Variants in PPFIA2 observed in about 807,000 individuals in gnomAD.
PPFIA2 encodes the protein PPFI scaffold protein A2.
Under a neutral mutation model 175.5 loss-of-function variants are expected in PPFIA2, and 46 were observed. The ratio of observed to expected loss-of-function variants is 0.26; its 90% CI spans 0.21 to 0.34. The LOEUF (loss-of-function observed/expected upper bound fraction) is 0.34. Among genes scored for constraint, PPFIA2 ranks in the 10% least tolerant of loss-of-function variants. The pLI is 1.00. For synonymous variants in PPFIA2, 568 were observed against 511.4 expected (o/e 1.11, Z -1.49); for missense variants, 1,179 against 1,506.1 (o/e 0.78, Z 3.60).
At chr12:81,605,027 T>C (rs143643977) in intron 4 of PPFIA2, among the ~76,000 whole-genome samples, 46 of 151,892 alleles carry the variant, frequency 3.0e-4, no homozygotes, top group African/African-American at 8.7e-4. Context: ...ATGCATGTTA[T>C]CAGCTTGGTG....
chr12:81,328,226 A>T (rs2055251777), intron 21 of PPFIA2, among the ~76,000 whole-genome samples: 1 of 152,194 alleles, frequency 6.6e-6, no homozygotes, highest in Non-Finnish European at 1.5e-5. Context: ...ATGATTATCT[A>T]AATCCAGTGA....
intron 27 of PPFIA2, among the ~76,000 whole-genome samples, chr12:81,280,166 AAC>A (rs1349453556): frequency 1.3e-5 from 2 of 152,114 alleles, no homozygotes; most frequent in Admixed American, 1.3e-4. Context: ...TCAGCCAATA[AAC>A]ACAGTCTAAA....
chr12:81,676,233 T>C (rs994042628), intron 4 of PPFIA2, among the ~76,000 whole-genome samples: 1 of 152,076 alleles, frequency 6.6e-6, no homozygotes, highest in Non-Finnish European at 1.5e-5. Flanking sequence ...AGGGATGTCA[T>C]CTCTATCAGT....
chr12:81,750,828 C>T (rs1259825781), intron 3 of PPFIA2, among the ~76,000 whole-genome samples: 2 of 152,120 alleles, frequency 1.3e-5, no homozygotes, highest in Non-Finnish European at 2.9e-5. Flanking sequence ...CAATTTAAGA[C>T]ATCTATGTCA....
At chr12:81,632,796 T>C (rs2063542380) in intron 4 of PPFIA2, among the ~76,000 whole-genome samples, 2 of 152,054 alleles carry the variant, frequency 1.3e-5, no homozygotes. Flanking sequence ...CCGTTTTAAC[T>C]GGCAAAAGCA....
chr12:81,574,923 T>C (rs1452376620), intron 4 of PPFIA2, among the ~76,000 whole-genome samples: 1 of 151,786 alleles, frequency 6.6e-6, no homozygotes, highest in Non-Finnish European at 1.5e-5. Context: ...TTTCATGGAA[T>C]TGTATTAAAA....
At chr12:81,309,404 C>T (rs1471435240) in intron 22 of PPFIA2, among the ~76,000 whole-genome samples, 3 of 151,946 alleles carry the variant, frequency 2.0e-5, no homozygotes, top group Non-Finnish European at 4.4e-5. Context: ...TTACAAATTC[C>T]AATCAGTTGC....
At chr12:81,720,082 C>T (rs2079126292) in intron 3 of PPFIA2, among the ~76,000 whole-genome samples, 1 of 151,364 alleles carries the variant, frequency 6.6e-6, no homozygotes, top group African/African-American at 2.4e-5. Flanking sequence ...CTGGCATTCC[C>T]TACCTTAAGA....
chr12:81,390,421 C>G lies in PPFIA2; in HGVS notation c.763-6177G>C, dbSNP rs76743667. On this transcript the variant is annotated intron_variant, in intron 8 of 32. Transcript: ENST00000549396. ...AATGTATGAGAGTTCTAATTTTCCA[C>G]ATCTTCACCAAAACTTATTATTGTC... 1.4e-3 allele frequency among the ~76,000 whole-genome samples: 206 copies of G among 152,142 alleles called. 1 individual carries two copies. The highest frequency in any genetic ancestry group is 4.8e-3 in the African/African-American group (198 of 41,566).
chr12:81,276,077 C>T (rs1309920334), intron 28 of PPFIA2, among the ~76,000 whole-genome samples: 3 of 152,164 alleles, frequency 2.0e-5, no homozygotes, highest in Non-Finnish European at 4.4e-5. Flanking sequence ...AGCCACAGCA[C>T]CTGGCCTTTT....
At chr12:81,527,906 A>T (rs1055274159) in intron 4 of PPFIA2, among the ~76,000 whole-genome samples, 6 of 152,194 alleles carry the variant, frequency 3.9e-5, no homozygotes, top group Admixed American at 3.9e-4. Context: ...AAATCTGCTG[A>T]CACTTTGATC....
intron 22 of PPFIA2, chr12:81,312,054 G>T: frequency 9.9e-7 from 1 of 1,013,878 alleles, no homozygotes; most frequent in Non-Finnish European, 1.5e-6. Flanking sequence ...CAGGTCAGAG[G>T]CAGTGCAGCT....
At chr12:81,339,715 T>C (rs1479351204) in intron 20 of PPFIA2, among the ~76,000 whole-genome samples, 1 of 152,102 alleles carries the variant, frequency 6.6e-6, no homozygotes, top group Non-Finnish European at 1.5e-5. Context: ...CATAATGACC[T>C]ACAGCAAGGA....
intron 7 of PPFIA2, among the ~76,000 whole-genome samples, chr12:81,417,524 A>G (rs1012708644): frequency 2.0e-5 from 3 of 151,752 alleles, no homozygotes; most frequent in Admixed American, 1.3e-4. Flanking sequence ...ATATTCATTA[A>G]TCAATCTTGC....
At chr12:81,603,825 TAAAAAAA>T (rs60363527) in intron 4 of PPFIA2, among the ~76,000 whole-genome samples, 1 of 103,336 alleles carries the variant, frequency 9.7e-6, no homozygotes, top group African/African-American at 3.6e-5. Flanking sequence ...CTATTCTGAC[TAAAAAAA>T]AAAAAAAAAA....
chr12:81,590,656 G>T (rs1264558736), intron 4 of PPFIA2, among the ~76,000 whole-genome samples: 1 of 152,024 alleles, frequency 6.6e-6, no homozygotes, highest in Non-Finnish European at 1.5e-5. Flanking sequence ...CTGTTCTCAT[G>T]ATAGTGAATG....
intron 4 of PPFIA2, among the ~76,000 whole-genome samples, chr12:81,570,841 C>T (rs2072404237): frequency 6.6e-6 from 1 of 151,556 alleles, no homozygotes. Flanking sequence ...AGATATCATC[C>T]CATCATAGAA....
At chr12:81,740,529 T>C (rs545863419) in intron 3 of PPFIA2, among the ~76,000 whole-genome samples, 2 of 152,304 alleles carry the variant, frequency 1.3e-5, no homozygotes, top group Admixed American at 1.3e-4. Context: ...ACTCTCCTTT[T>C]CACAAACTGA....
chr12:81,543,544 G>T (rs890652331), intron 4 of PPFIA2, among the ~76,000 whole-genome samples: 8 of 152,104 alleles, frequency 5.3e-5, no homozygotes, highest in African/African-American at 1.9e-4. Context: ...ACAAAGGTTT[G>T]CAGAATTCAA....
Sources: gnomAD v4.1 joint callset for allele counts (sites outside exome capture counted in the v4.1 genomes callset) on GRCh38, gnomAD v4.1.1 for gene constraint, MANE v1.5 for transcripts, NCBI Gene and HGNC (gene_info 2026-07-23, HGNC 2026-07-21) for gene names.